Variants in CENPI observed in about 807,000 individuals in gnomAD.
CENPI encodes FSH primary response 1.
Under a neutral mutation model 60.4 loss-of-function variants are expected in CENPI, and 4 were observed. The ratio of observed to expected loss-of-function variants is 0.07; its 90% confidence interval spans 0.03 to 0.15. The LOEUF (loss-of-function observed/expected upper bound fraction) is 0.15. Ranked by LOEUF, CENPI falls within the 10% of genes least tolerant of loss-of-function variation. The pLI is 1.00. For missense variants in CENPI, 444 were observed against 534.5 expected, an observed-to-expected ratio of 0.83 and a Z score of 1.67; for synonymous variants, 157 against 189.4, an observed-to-expected ratio of 0.83 and a Z score of 1.40.
intron 8 of CENPI, among the ~76,000 whole-genome samples, chrX:101,124,088 CAAGTGTGT>C (rs1354536785): frequency 1.3e-5 from 1 of 74,493 alleles, no homozygotes; most frequent in Admixed American, 1.8e-4. Flanking sequence ...CATATAGAAT[CAAGTGTGT>C]GTGTGTGTGT....
At chrX:101,152,856 C>T (rs1372242709) in intron 20 of CENPI, among the ~76,000 whole-genome samples, 1 of 109,685 alleles carries the variant, frequency 9.1e-6, no homozygotes, top group African/African-American at 3.3e-5. Flanking sequence ...GTTATTTTCA[C>T]TTTTTGGTGA....
In CENPI at chrX:101,164,086, A is replaced by G. The variant is rs1242660608; in HGVS notation, c.*1119A>G. 1.8e-5 allele frequency among the ~76,000 whole-genome samples: 2 copies of G among 110,804 alleles called. No individual in the cohort carries two copies. The highest frequency in any genetic ancestry group is 6.6e-5 in the African/African-American group (2 of 30,472). On this transcript the variant is annotated 3_prime_UTR_variant, in exon 22 of 22. Transcript: ENST00000682095. The stretch of plus-strand genomic sequence containing the variant: ...TCTCCCTTCTAGTAAAATTCGTATC[A>G]TTTGAGAAGAATCAAGCTGAATTAA...
intron 4 of CENPI, 105 bp downstream of exon 4, chrX:101,102,516 C>CACACACACAT (rs778560144): frequency 0.075 from 15,439 of 205,563 alleles, 801 homozygotes; most frequent in Middle Eastern, 0.11. Context: ...CACACACACA[C>CACACACACAT]ATATATATAT....
At chrX:101,180,814 T>A in the CENPI span, among the ~76,000 whole-genome samples, 3 of 111,679 alleles carry the variant, frequency 2.7e-5, no homozygotes, top group African/African-American at 9.8e-5. Context: ...CTGCCCAAAC[T>A]GGAGTGCAGT....
downstream of CENPI, among the ~76,000 whole-genome samples, chrX:101,170,188 C>T (rs1425264420): frequency 3.6e-5 from 4 of 111,632 alleles, no homozygotes; most frequent in African/African-American, 1.3e-4. Flanking sequence ...TGCTTTGTAC[C>T]TATTGTGTTT....
intron 20 of CENPI, among the ~76,000 whole-genome samples, chrX:101,154,448 C>T (rs2148250648): frequency 9.0e-6 from 1 of 110,636 alleles, no homozygotes; most frequent in Non-Finnish European, 1.9e-5. Flanking sequence ...GTGGCATGCA[C>T]CTGTAATCCC....
At chrX:101,131,976 CTG>C (rs2089799675) in intron 13 of CENPI, among the ~76,000 whole-genome samples, 1 of 111,756 alleles carries the variant, frequency 8.9e-6, no homozygotes, top group East Asian at 2.8e-4. Context: ...TATTTGAGAA[CTG>C]TATTGATAAA....
In CENPI at chrX:101,147,944, C is replaced by G; in HGVS notation, c.1877C>G (p.Thr626Arg). ...AAKKNELVQK[T>R]KSEFNFSSKT... is the part of the protein sequence containing the mutation. ...AATTTTTTATTTCTTTCCCATTAGACAAAATCAGAGTTCAATTTCAGCAGC... is the reference window on the plus strand; with the variant it reads ...AATTTTTTATTTCTTTCCCATTAGAGAAAATCAGAGTTCAATTTCAGCAGC... Residue 626 changes from threonine (T) to arginine (R), a missense_variant and splice_region_variant, in exon 20 of 22, where the codon ACA (threonine) becomes AGA (arginine). By Grantham distance (71) the Thr-to-Arg change is moderately conservative. Coordinates refer to ENST00000682095, the MANE Select transcript of CENPI (RefSeq NM_001386188.2). 1 of 1,204,313 alleles carries G rather than the reference C, an allele frequency of 8.3e-7. No homozygotes were observed. Among genetic ancestry groups the G allele is most frequent in the Non-Finnish European group, 1.1e-6 (1 of 890,321 alleles).
In CENPI at chrX:101,101,131, A is replaced by T; in HGVS notation, c.61A>T (p.Ser21Cys). The part of the protein sequence containing the change: ...QAQNRTSQGS[S>C]SFQTTLSAWK... Reference sequence around the variant, plus strand: ...ACAAAACAGGACTTCACAAGGTAGTAGTAGTTTTCAGACCACGCTTTCAGC... The same window carrying T: ...ACAAAACAGGACTTCACAAGGTAGTTGTAGTTTTCAGACCACGCTTTCAGC... The change falls in exon 3 of 22, where the codon AGT (serine) becomes TGT (cysteine). Residue 21 changes from serine to cysteine, a missense_variant. Transcript: ENST00000682095. The T allele has an allele frequency of 8.3e-7, 1 of 1,211,549 alleles. No homozygotes were observed. The highest frequency in any genetic ancestry group is 3.0e-5 in the East Asian group (1 of 33,836).
At chrX:101,157,229 C>T (rs1243264638) in intron 20 of CENPI, among the ~76,000 whole-genome samples, 1 of 111,740 alleles carries the variant, frequency 8.9e-6, no homozygotes, top group Non-Finnish European at 1.9e-5. Context: ...ACTCACCAGA[C>T]TTGGACTATA....
At chrX:101,145,345 G>A in intron 17 of CENPI, 146 bp downstream of exon 17, 1 of 507,569 alleles carries the variant, frequency 2.0e-6, no homozygotes, top group East Asian at 3.5e-5. Flanking sequence ...TGAAGTTCAT[G>A]ATTATTTTCT....
the CENPI span, among the ~76,000 whole-genome samples, chrX:101,172,718 C>T: frequency 2.7e-5 from 3 of 111,016 alleles, no homozygotes; most frequent in Admixed American, 9.6e-5. Context: ...ATATAAAAAC[C>T]ACTGAATTGT....
intron 3 of CENPI, 43 bp from the exon 4 acceptor site, chrX:101,102,231 T>A (rs761659690): frequency 2.9e-5 from 30 of 1,019,391 alleles, no homozygotes; most frequent in Middle Eastern, 3.2e-4. Context: ...AAGACTGAAA[T>A]AATTTTAAAG....
chrX:101,159,766 CTT>C (rs200600683), intron 20 of CENPI, among the ~76,000 whole-genome samples: 1,851 of 112,052 alleles, frequency 0.017, 9 homozygotes, highest in Middle Eastern at 0.088. Flanking sequence ...CTGGCTGACT[CTT>C]TGGTTTTTTG....
At chrX:101,116,501 C>T (rs944465474) in intron 6 of CENPI, among the ~76,000 whole-genome samples, 4 of 110,983 alleles carry the variant, frequency 3.6e-5, no homozygotes, top group African/African-American at 1.3e-4. Flanking sequence ...GATATGGTGG[C>T]GGGGAAGGGA....
At chrX:101,179,777 C>T in the CENPI span, among the ~76,000 whole-genome samples, 1 of 112,636 alleles carries the variant, frequency 8.9e-6, no homozygotes, top group Non-Finnish European at 1.9e-5. Flanking sequence ...GCCTCGGCCT[C>T]CCAAAGTGCG....
intron 6 of CENPI, among the ~76,000 whole-genome samples, chrX:101,113,297 ACACACAC>A: frequency 1.0e-5 from 1 of 99,834 alleles, no homozygotes. Context: ...ACACACACAC[ACACACAC>A]ACACACACAC....
At chrX:101,181,439 C>T in the CENPI span, among the ~76,000 whole-genome samples, 1 of 112,230 alleles carries the variant, frequency 8.9e-6, no homozygotes, top group Non-Finnish European at 1.9e-5. Flanking sequence ...AATACATGAA[C>T]ACCAGATGTT....
intron 20 of CENPI, among the ~76,000 whole-genome samples, chrX:101,156,174 A>C (rs775306093): frequency 9.0e-6 from 1 of 110,634 alleles, no homozygotes; most frequent in East Asian, 2.9e-4. Flanking sequence ...CACCACACCC[A>C]GCTAATTTTT....
Sources: allele counts gnomAD v4.1 joint callset (sites outside exome capture counted in the v4.1 genomes callset), GRCh38; gene constraint gnomAD v4.1.1; transcripts MANE v1.5; gene names NCBI Gene and HGNC (gene_info 2026-07-23, HGNC 2026-07-21).